Variants in RANBP2 observed in about 807,000 individuals in gnomAD.
RANBP2 encodes E3 SUMO-protein ligase RanBP2.
In RANBP2, 57 loss-of-function variants were observed where a neutral mutation model predicts 303.6. That is an observed-to-expected ratio of 0.19 (90% confidence interval 0.15 to 0.23). RANBP2 has a LOEUF of 0.23. Ranked by LOEUF, RANBP2 falls within the 10% of genes least tolerant of loss-of-function variation. The pLI, the probability that RANBP2 is intolerant of heterozygous loss-of-function variation, is 1.00. For missense variants in RANBP2, 3,138 were observed against 3,780.8 expected, an observed-to-expected ratio of 0.83 and a Z score of 4.46; for synonymous variants, 1,167 against 1,301.5, an observed-to-expected ratio of 0.90 and a Z score of 2.23.
chr2:109,501,273 G>T, the RANBP2 span, among the ~76,000 whole-genome samples: 2 of 152,134 alleles, frequency 1.3e-5, no homozygotes, highest in Non-Finnish European at 2.9e-5. Flanking sequence ...CTTCTTCGTA[G>T]ATCAGCGTCT....
the RANBP2 span, among the ~76,000 whole-genome samples, chr2:109,099,152 G>A: frequency 6.6e-6 from 1 of 152,194 alleles, no homozygotes; most frequent in Non-Finnish European, 1.5e-5. Context: ...GGTTACAGGA[G>A]GAGCTATGAA....
intron 24 of RANBP2, 38 bp downstream of exon 24, chr2:108,775,974 G>GT: frequency 6.5e-7 from 1 of 1,538,464 alleles, no homozygotes; most frequent in Non-Finnish European, 8.9e-7. Context: ...GTTACATAAG[G>GT]GACACCTTAT....
the RANBP2 span, among the ~76,000 whole-genome samples, chr2:108,836,875 G>A: frequency 6.6e-6 from 1 of 151,170 alleles, no homozygotes; most frequent in Non-Finnish European, 1.5e-5. Flanking sequence ...TTCATTGTTA[G>A]TGTATGGAAA....
chr2:109,380,624 G>C, the RANBP2 span, among the ~76,000 whole-genome samples: 63 of 152,310 alleles, frequency 4.1e-4, no homozygotes, highest in African/African-American at 1.4e-3. Context: ...ACAGTGAGTA[G>C]CCCTGACCGC....
the RANBP2 span, among the ~76,000 whole-genome samples, chr2:108,996,931 A>C: frequency 9.2e-5 from 14 of 152,204 alleles, no homozygotes; most frequent in Non-Finnish European, 1.6e-4. Context: ...TGGGATGCTC[A>C]GGACCAGGCC....
the RANBP2 span, among the ~76,000 whole-genome samples, chr2:109,126,763 C>T: frequency 3.0e-4 from 45 of 152,272 alleles, no homozygotes; most frequent in Admixed American, 4.6e-4. Context: ...TGAGATGCCT[C>T]GTATTATTAG....
the RANBP2 span, among the ~76,000 whole-genome samples, chr2:109,767,396 A>G: frequency 1.4e-5 from 2 of 143,476 alleles, no homozygotes; most frequent in Non-Finnish European, 3.0e-5. Flanking sequence ...ATGTAGATCT[A>G]TTAACCATTA....
chr2:109,477,257 A>G, the RANBP2 span, among the ~76,000 whole-genome samples: 1 of 152,190 alleles, frequency 6.6e-6, no homozygotes, highest in Non-Finnish European at 1.5e-5. Context: ...GAACTGGCCC[A>G]GAGTGGGGGA....
chr2:108,721,338 T>C (rs992898932), intron 1 of RANBP2, among the ~76,000 whole-genome samples: 2 of 152,226 alleles, frequency 1.3e-5, no homozygotes, highest in African/African-American at 4.8e-5. Flanking sequence ...TACATTGTAA[T>C]TTCAAACTGC....
chr2:109,585,759 G>A, the RANBP2 span: 2 of 1,613,460 alleles, frequency 1.2e-6, no homozygotes, highest in Non-Finnish European at 1.7e-6. Flanking sequence ...TTGCTGAATG[G>A]ATCTGTTCAC....
the RANBP2 span, chr2:109,371,448 T>C: frequency 1.6e-6 from 1 of 625,960 alleles, no homozygotes; most frequent in South Asian, 2.2e-5. Flanking sequence ...GTCAGATACC[T>C]GAATGGATAA....
At chr2:109,742,977 T>TA in the RANBP2 span, among the ~76,000 whole-genome samples, 4 of 148,144 alleles carry the variant, frequency 2.7e-5, no homozygotes, top group Non-Finnish European at 4.5e-5. Context: ...ACATCTACAT[T>TA]AAAAAAAATC....
chr2:108,904,822 G>T, the RANBP2 span, among the ~76,000 whole-genome samples: 4 of 152,258 alleles, frequency 2.6e-5, 1 homozygote, highest in Admixed American at 2.6e-4. Context: ...GGGTGGGGTG[G>T]GTGGAAATTG....
the RANBP2 span, among the ~76,000 whole-genome samples, chr2:109,713,738 G>A: frequency 1.3e-5 from 2 of 152,148 alleles, no homozygotes; most frequent in South Asian, 4.1e-4. Context: ...AACTTCCTCA[G>A]GCCATTAAAG....
At chr2:109,604,524 G>A in the RANBP2 span, among the ~76,000 whole-genome samples, 4 of 151,902 alleles carry the variant, frequency 2.6e-5, no homozygotes, top group Non-Finnish European at 4.4e-5. Context: ...TCAGGAGATC[G>A]AGACCATCCT....
chr2:108,859,541 T>A, the RANBP2 span, among the ~76,000 whole-genome samples: 1 of 152,174 alleles, frequency 6.6e-6, no homozygotes, highest in Non-Finnish European at 1.5e-5. Flanking sequence ...CATCTTTCAT[T>A]TAAGTCTTTG....
intron 8 of RANBP2, among the ~76,000 whole-genome samples, chr2:108,747,836 A>G (rs1696632518): frequency 6.6e-6 from 1 of 152,184 alleles, no homozygotes; most frequent in Non-Finnish European, 1.5e-5. Context: ...TCACCCATTT[A>G]AAGTGTACGG....
At chr2:109,248,222 A>G in the RANBP2 span, among the ~76,000 whole-genome samples, 2 of 152,236 alleles carry the variant, frequency 1.3e-5, no homozygotes. Context: ...ATTCAGATGA[A>G]TAGGAGTTCT....
At chr2:108,791,415 T>A in the RANBP2 span, 1 of 451,664 alleles carries the variant, frequency 2.2e-6, no homozygotes, top group Non-Finnish European at 4.1e-6. Flanking sequence ...TCCTTAGCTG[T>A]AGAATATACC....
Sources: gnomAD v4.1 joint callset for allele counts (sites outside exome capture counted in the v4.1 genomes callset) on GRCh38, gnomAD v4.1.1 for gene constraint, MANE v1.5 for transcripts, NCBI Gene and HGNC (gene_info 2026-07-23, HGNC 2026-07-21) for gene names.